The following RERG variants were observed in gnomAD, a reference collection of about 807,000 sequenced individuals.
RERG encodes ras-related and estrogen-regulated growth inhibitor.
RERG carries 25 observed loss-of-function variants against 23.2 expected under a neutral mutation model. The ratio of observed to expected loss-of-function variants is 1.08; its 90% CI spans 0.79 to 1.50. RERG has a LOEUF of 1.50. RERG is among the 40% of genes most tolerant of loss of function. The probability of loss-of-function intolerance (pLI) is 0.00; values close to 1 mark genes in which losing one functional copy is unlikely to be tolerated. For missense variants in RERG, 253 were observed against 250.1 expected, an observed-to-expected ratio of 1.01 and a Z score of -0.08; for synonymous variants, 81 against 89.1, an observed-to-expected ratio of 0.91 and a Z score of 0.51.
chr12:15,122,717 T>A (rs1863854569), intron 2 of RERG, among the ~76,000 whole-genome samples: 1 of 152,048 alleles, frequency 6.6e-6, no homozygotes, highest in Non-Finnish European at 1.5e-5. Flanking sequence ...TTTGTACAAT[T>A]AGCAACATTA....
intron 2 of RERG, chr12:15,137,888 G>A (rs767293032): frequency 4.5e-6 from 2 of 446,672 alleles, no homozygotes; most frequent in South Asian, 3.2e-5. Flanking sequence ...TCCAGTTTCT[G>A]AGATGTATCA....
chr12:15,196,876 G>A lies in RERG; in HGVS notation c.61+20553C>T, dbSNP rs1232582151. ...CTGACACTGAAACGAAACAGTCGTA[G>A]GTGAGAATGAGAAGAGAAGTGAGAA... On this transcript the variant is annotated intron_variant, in intron 2 of 4. Coordinates refer to ENST00000256953, the MANE Select transcript of RERG (RefSeq NM_032918.3). Among the ~76,000 whole-genome samples, 10 of 152,220 alleles carry A rather than the reference G, an allele frequency of 6.6e-5. No individual in the cohort carries two copies. The East Asian group carries it at 1.7e-3, about 26-fold the overall frequency.
chr12:15,184,763 T>C (rs1864968028), intron 2 of RERG, among the ~76,000 whole-genome samples: 1 of 152,198 alleles, frequency 6.6e-6, no homozygotes, highest in Non-Finnish European at 1.5e-5. Context: ...TTTCCCTGTA[T>C]TTCTAACATT....
intron 2 of RERG, among the ~76,000 whole-genome samples, chr12:15,212,204 C>T (rs1408906753): frequency 1.8e-4 from 27 of 149,618 alleles, no homozygotes; most frequent in African/African-American, 5.1e-4. Context: ...GGACTACAGG[C>T]GCCCGCCACC....
chr12:15,198,401 C>T (rs1865173190), intron 2 of RERG, among the ~76,000 whole-genome samples: 1 of 152,112 alleles, frequency 6.6e-6, no homozygotes, highest in East Asian at 1.9e-4. Flanking sequence ...CTGATTGGGG[C>T]TCCATTCCTG....
intron 2 of RERG, among the ~76,000 whole-genome samples, chr12:15,158,519 C>T (rs537680629): frequency 6.6e-6 from 1 of 152,124 alleles, no homozygotes; most frequent in East Asian, 1.9e-4. Flanking sequence ...TGGGCTCAAG[C>T]GATCCACCTA....
intron 2 of RERG, among the ~76,000 whole-genome samples, chr12:15,141,762 C>G (rs866245154): frequency 6.6e-6 from 1 of 152,208 alleles, no homozygotes; most frequent in Non-Finnish European, 1.5e-5. Context: ...TGATGACTTA[C>G]AAGCTCGTTC....
At chr12:15,148,954 C>T (rs995011001) in intron 2 of RERG, among the ~76,000 whole-genome samples, 3 of 146,980 alleles carry the variant, frequency 2.0e-5, no homozygotes, top group East Asian at 2.0e-4. Context: ...CTGCAACCTC[C>T]GCCTCCTGGG....
At chr12:15,208,532 T>C (rs7955984) in intron 2 of RERG, among the ~76,000 whole-genome samples, 11,749 of 152,150 alleles carry the variant, frequency 0.077, 1,363 homozygotes, top group African/African-American at 0.25. Context: ...GTGTCAAATA[T>C]TGTGTGAGGC....
At chr12:15,179,620 C>T (rs1380265914) in intron 2 of RERG, among the ~76,000 whole-genome samples, 1 of 152,146 alleles carries the variant, frequency 6.6e-6, no homozygotes, top group African/African-American at 2.4e-5. Context: ...TGTTAGGAAA[C>T]ATTTGCTTAC....
chr12:15,166,529 GTGGTGGTGGTGGTAGTGGTGT>G (rs1389131575), intron 2 of RERG, among the ~76,000 whole-genome samples: 6 of 151,582 alleles, frequency 4.0e-5, no homozygotes, highest in Middle Eastern at 3.4e-3. Context: ...GGTGATGGTG[GTGGTGGTGGTGGTAGTGGTGT>G]TGGTGGTGGT....
intron 2 of RERG, among the ~76,000 whole-genome samples, chr12:15,177,898 C>T (rs1465597682): frequency 7.6e-6 from 1 of 131,260 alleles, no homozygotes; most frequent in Admixed American, 8.3e-5. Context: ...CCATTTATAA[C>T]AAGGATATTA....
At chr12:15,187,382 A>C (rs1207235427) in intron 2 of RERG, among the ~76,000 whole-genome samples, 3 of 152,122 alleles carry the variant, frequency 2.0e-5, no homozygotes, top group African/African-American at 7.2e-5. Context: ...CAAACTCCTT[A>C]AGTCTGGGGT....
At chr12:15,177,097 G>C (rs1254839636) in intron 2 of RERG, among the ~76,000 whole-genome samples, 2 of 152,160 alleles carry the variant, frequency 1.3e-5, no homozygotes, top group African/African-American at 4.8e-5. Context: ...ATAATCCTTT[G>C]TCAACATTCA....
intron 2 of RERG, among the ~76,000 whole-genome samples, chr12:15,190,045 G>A (rs184962436): frequency 1.9e-3 from 285 of 152,276 alleles, no homozygotes; most frequent in African/African-American, 6.7e-3. Flanking sequence ...AGTATATGAA[G>A]TCCAGTTTAA....
chr12:15,158,543 A>G (rs555926067), intron 2 of RERG, among the ~76,000 whole-genome samples: 14 of 152,200 alleles, frequency 9.2e-5, no homozygotes, highest in Non-Finnish European at 1.9e-4. Flanking sequence ...CGGCCTCCCA[A>G]AGTGCTGGGA....
At chr12:15,135,504 C>T (rs913422503) in intron 2 of RERG, among the ~76,000 whole-genome samples, 1 of 152,148 alleles carries the variant, frequency 6.6e-6, no homozygotes, top group Non-Finnish European at 1.5e-5. Flanking sequence ...AAAGCACTTG[C>T]TTTCTCACCA....
intron 2 of RERG, chr12:15,137,941 G>T (rs1288826170): frequency 2.5e-6 from 1 of 401,964 alleles, no homozygotes; most frequent in Admixed American, 2.8e-5. Context: ...TTTTTTTCAA[G>T]GCAGGTTTAT....
intron 2 of RERG, among the ~76,000 whole-genome samples, chr12:15,154,702 A>G (rs377395870): frequency 6.6e-6 from 1 of 152,188 alleles, no homozygotes; most frequent in Non-Finnish European, 1.5e-5. Context: ...TAGGACAATC[A>G]ATGTAGGTTG....
Sources: allele counts gnomAD v4.1 joint callset (sites outside exome capture counted in the v4.1 genomes callset), GRCh38; gene constraint gnomAD v4.1.1; transcripts MANE v1.5; gene names NCBI Gene and HGNC (gene_info 2026-07-23, HGNC 2026-07-21).